The following B4GALNT1 variants were observed in gnomAD, a reference collection of about 807,000 sequenced individuals.
B4GALNT1 encodes beta-1,4-N-acetyl-galactosaminyltransferase 1, also known as beta-1,4 N-acetylgalactosaminyltransferase 1.
A neutral mutation model predicts 55.2 loss-of-function variants in B4GALNT1; 43 were observed. That is an observed-to-expected ratio of 0.78 (90% confidence interval 0.61 to 1.00). B4GALNT1 has a LOEUF of 1.00. B4GALNT1 is among the 50% of genes least tolerant of loss of function. B4GALNT1 has a pLI of 0.00. For missense variants in B4GALNT1, 664 were observed against 729.7 expected (o/e 0.91, Z 1.04); for synonymous variants, 305 against 311.6 (o/e 0.98, Z 0.22).
At position 57,623,761 on chromosome 12, in the gene B4GALNT1, G is replaced by A. The variant is rs1884607846; in HGVS notation, c.*2983C>T. 1 of 1,274,608 alleles carries A rather than the reference G, an allele frequency of 7.8e-7. No individual in the cohort carries two copies. Among genetic ancestry groups the A allele is most frequent in the African/African-American group, 1.5e-5 (1 of 67,124 alleles). The allele number at this position is 1,274,608 out of a possible 1,614,324, so 79.0% of individuals were successfully genotyped here. A position where few individuals can be genotyped will look rare whatever the true frequency, so the allele number is the denominator to read the frequency against. The stretch of plus-strand genomic sequence containing the variant: ...ACTTCCGAGGAAGATTAGGCAGAGT[G>A]GGCAGGAAGACCAGCTCTCATGTGG... On this transcript the variant is annotated 3_prime_UTR_variant, in exon 11 of 11. Coordinates refer to ENST00000341156, the MANE Select transcript of B4GALNT1 (RefSeq NM_001478.5).
In B4GALNT1 at chr12:57,624,187, C is replaced by A; in HGVS notation, c.*2557G>T. 2 of 1,317,818 alleles carry A rather than the reference C, an allele frequency of 1.5e-6. No homozygotes were observed. Among genetic ancestry groups the A allele is most frequent in the South Asian group, 1.3e-5 (1 of 74,688 alleles). 81.6% of individuals were successfully genotyped at this position (1,317,818 alleles called of 1,614,324 possible). The stretch of plus-strand genomic sequence containing the variant: ...CTGAACCAAACCTAATTGTCCTGGT[C>A]TTAAGTTCTGCAACCCACCCACTCC... On this transcript the variant is annotated 3_prime_UTR_variant, in exon 11 of 11. Coordinates refer to ENST00000341156, the MANE Select transcript of B4GALNT1 (RefSeq NM_001478.5).
chr12:57,632,600 G>C (rs1885299899), intron 1 of B4GALNT1, 172 bp downstream of exon 1: 1 of 193,690 alleles, frequency 5.2e-6, no homozygotes, highest in African/African-American at 2.4e-5. Context: ...AAAAAATGCA[G>C]AATCATGCCC....
rs1276530697 is a variant in B4GALNT1, at chr12:57,629,034, C to T, written c.811+14G>A. The T allele has an allele frequency of 6.3e-7, 1 of 1,583,366 alleles. No homozygotes were observed. Among genetic ancestry groups the T allele is most frequent in the South Asian group, 1.1e-5 (1 of 87,078 alleles). Reference sequence around the variant, plus strand: ...AGGCTGGTTCTAATATGTCCCTGCCCCTACCAGCCTCACCTCCCTGGGGTA... The same window carrying T: ...AGGCTGGTTCTAATATGTCCCTGCCTCTACCAGCCTCACCTCCCTGGGGTA... On this transcript the variant is annotated intron_variant, in intron 7 of 10. Coordinates refer to ENST00000341156, the MANE Select transcript of B4GALNT1 (RefSeq NM_001478.5).
rs1189680812 is a variant in B4GALNT1 at position 57,624,544 on chromosome 12, G to A, written c.*2200C>T. On this transcript the variant is annotated 3_prime_UTR_variant, in exon 11 of 11. Coordinates refer to ENST00000341156, the MANE Select transcript of B4GALNT1 (RefSeq NM_001478.5). ...GGGTGGCAGTAGTGACCCTGAGTGT[G>A]GATTTGGGCCTGGCTGTGGGTGTGG... 4.7e-6 allele frequency: 3 copies of A among 638,462 alleles called. No homozygotes were observed. Among genetic ancestry groups the A allele is most frequent in the Non-Finnish European group, 6.1e-6 (2 of 327,984 alleles). The allele number at this position is 638,462 out of a possible 1,614,324, so 39.5% of individuals were successfully genotyped here.
intron 9 of B4GALNT1, 73 bp downstream of exon 9, chr12:57,628,049 G>T: frequency 6.3e-7 from 1 of 1,579,548 alleles, no homozygotes; most frequent in Non-Finnish European, 8.6e-7. Flanking sequence ...GTTCCTGGCC[G>T]CAGCGCCCCC....
chr12:57,630,916 C>T, intron 4 of B4GALNT1, 64 bp downstream of exon 4: 1 of 1,472,272 alleles, frequency 6.8e-7, no homozygotes, highest in Non-Finnish European at 9.4e-7. Flanking sequence ...TTCTTCCCCA[C>T]CCAACCTTGG....
At position 57,630,461 on chromosome 12, in the gene B4GALNT1, T is replaced by G; in HGVS notation, c.531+17A>C. 3 of 1,604,740 alleles carry G rather than the reference T, an allele frequency of 1.9e-6. No homozygotes were observed. The highest frequency in any genetic ancestry group is 2.6e-6 in the Non-Finnish European group (3 of 1,175,342). On this transcript the variant is annotated intron_variant, in intron 5 of 10. Transcript: ENST00000341156. ...TTGATGCCTACTTGGCCTCCTTGCC[T>G]TCTTGTTTTCTCTCACCTGGTATAC...
chr12:57,631,458 G>A (rs900698455), intron 2 of B4GALNT1, 94 bp from the exon 3 acceptor site: 19 of 1,413,070 alleles, frequency 1.3e-5, no homozygotes, highest in Non-Finnish European at 1.8e-5. Flanking sequence ...CCTTGGCCCT[G>A]CAATTCTGTC....
intron 2 of B4GALNT1, 22 bp downstream of exon 2, chr12:57,631,893 C>T: frequency 2.9e-6 from 4 of 1,374,434 alleles, no homozygotes; most frequent in Non-Finnish European, 3.8e-6. Context: ...CGCTGCGCTG[C>T]GCCGCCGCGG....
In B4GALNT1 at chr12:57,631,291, G is replaced by T. The variant is rs1361370524; in HGVS notation, c.292C>A (p.Arg98=). 1.9e-6 allele frequency: 3 copies of T among 1,614,092 alleles called. No homozygotes were observed. The highest frequency in any genetic ancestry group is 2.5e-6 in the Non-Finnish European group (3 of 1,179,978). ...GLPLPFQKQV[R]AIDLTKAFDP... ...AAGGCCTTGGTGAGGTCAATAGCTC[G>T]GACTTGTTTCTGGAAGGGGAGGGGG... Residue 98 remains arginine (R), a synonymous_variant, in exon 3 of 11, where the codon CGA becomes AGA. Transcript: ENST00000341156.
At position 57,628,248 on chromosome 12, in the gene B4GALNT1, G is replaced by GCCTGC; in HGVS notation, c.1012_1016dup (p.Arg340GlnfsTer10). On this transcript the variant is annotated frameshift_variant, in exon 9 of 11. Coordinates refer to ENST00000341156, the MANE Select transcript of B4GALNT1 (RefSeq NM_001478.5). LOFTEE classifies it high-confidence loss of function. The stretch of plus-strand genomic sequence containing the variant: ...TTACTTGAGACACGGCCAGGTTCCG[G>GCCTGC]CCTGCGAACCAGCCCTGGCAGAAAG... The GCCTGC allele has an allele frequency of 6.2e-7, 1 of 1,614,258 alleles. No individual in the cohort carries two copies. Among genetic ancestry groups the GCCTGC allele is most frequent in the Non-Finnish European group, 8.5e-7 (1 of 1,180,052 alleles).
In B4GALNT1 at chr12:57,625,551, G is replaced by A. The variant is rs367679410; in HGVS notation, c.*1193C>T. ...GGAAAAGGACCCGGTGTGGACTTAG[G>A]GTCTCAGAGTCTGACACCCTCCCCA... On this transcript the variant is annotated 3_prime_UTR_variant, in exon 11 of 11. Coordinates refer to ENST00000341156, the MANE Select transcript of B4GALNT1 (RefSeq NM_001478.5). 1.2e-6 allele frequency: 2 copies of A among 1,609,386 alleles called. No individual in the cohort carries two copies. The highest frequency in any genetic ancestry group is 1.7e-6 in the Non-Finnish European group (2 of 1,176,842).
intron 8 of B4GALNT1, 168 bp downstream of exon 8, chr12:57,628,545 G>T (rs1274726106): frequency 1.1e-6 from 1 of 916,452 alleles, no homozygotes; most frequent in East Asian, 2.6e-5. Flanking sequence ...AATTCAGAGA[G>T]AATTTCCTGC....
chr12:57,624,105 A>C lies in B4GALNT1; in HGVS notation c.*2639T>G. 1 of 1,613,704 alleles carries C rather than the reference A, an allele frequency of 6.2e-7. No homozygotes were observed. The highest frequency in any genetic ancestry group is 1.1e-5 in the South Asian group (1 of 91,028). ...CATCAGCCGAGTGGACTTTGTGAGA[A>C]ATGCCATTACCCCCAGATTGCCCCC... On this transcript the variant is annotated 3_prime_UTR_variant, in exon 11 of 11. Coordinates refer to ENST00000341156, the MANE Select transcript of B4GALNT1 (RefSeq NM_001478.5).
chr12:57,626,383 C>T lies in B4GALNT1; in HGVS notation c.*361G>A, dbSNP rs1884808741. 2 of 305,892 alleles carry T rather than the reference C, an allele frequency of 6.5e-6. No individual in the cohort carries two copies. Among genetic ancestry groups the T allele is most frequent in the Admixed American group, 9.4e-5 (2 of 21,252 alleles). The allele number at this position is 305,892 out of a possible 1,614,324, so 18.9% of individuals were successfully genotyped here. On this transcript the variant is annotated 3_prime_UTR_variant, in exon 11 of 11. Coordinates refer to ENST00000341156, the MANE Select transcript of B4GALNT1 (RefSeq NM_001478.5). ...GATTATGTGTTGGGGAACTTCCCCACCCCCTCGGTCCCAAGATGAGAGGAC... is the reference window on the plus strand; with the variant it reads ...GATTATGTGTTGGGGAACTTCCCCATCCCCTCGGTCCCAAGATGAGAGGAC...
rs558325574 is a variant in B4GALNT1, at chr12:57,625,160, A to G, written c.*1584T>C. 5 of 1,613,944 alleles carry G rather than the reference A, an allele frequency of 3.1e-6. No homozygotes were observed. The highest frequency in any genetic ancestry group is 2.2e-5 in the South Asian group (2 of 91,074). On this transcript the variant is annotated 3_prime_UTR_variant, in exon 11 of 11. Coordinates refer to ENST00000341156, the MANE Select transcript of B4GALNT1 (RefSeq NM_001478.5). ...CCAGATGGCCCAATGGTTGCAGGTG[A>G]GATGGGGTGACAAGAAGGAAGATTT...
In B4GALNT1 at chr12:57,623,505, T is replaced by C; in HGVS notation, c.*3239A>G. The C allele has an allele frequency of 2.3e-6, 1 of 433,782 alleles. No homozygotes were observed. The highest frequency in any genetic ancestry group is 4.3e-5 in the East Asian group (1 of 23,342). The allele number at this position is 433,782 out of a possible 1,614,324, so 26.9% of individuals were successfully genotyped here. A position where few individuals can be genotyped will look rare whatever the true frequency, so the allele number is the denominator to read the frequency against. On this transcript the variant is annotated 3_prime_UTR_variant, in exon 11 of 11. Coordinates refer to ENST00000341156, the MANE Select transcript of B4GALNT1 (RefSeq NM_001478.5). ...AAAGTCTCCCCCTAATATTTTTGGT[T>C]TCCCTTACTTTGCTGGTGCCCTAAA...
chr12:57,630,873 G>A, intron 4 of B4GALNT1, 107 bp downstream of exon 4: 2 of 1,120,560 alleles, frequency 1.8e-6, no homozygotes, highest in Non-Finnish European at 2.6e-6. Context: ...CCATTCATCA[G>A]AGGTTCCCAC....
In B4GALNT1 at chr12:57,624,566, G is replaced by A. The variant is rs767311222; in HGVS notation, c.*2178C>T. 3.1e-6 allele frequency: 2 copies of A among 654,302 alleles called. No individual in the cohort carries two copies. The highest frequency in any genetic ancestry group is 1.4e-5 in the South Asian group (1 of 72,376). 40.5% of individuals were successfully genotyped at this position (654,302 alleles called of 1,614,324 possible). A position where few individuals can be genotyped will look rare whatever the true frequency, so the allele number is the denominator to read the frequency against. On this transcript the variant is annotated 3_prime_UTR_variant, in exon 11 of 11. Transcript: ENST00000341156. ...TGTGGATTTGGGCCTGGCTGTGGGT[G>A]TGGTCTTCTCCATGATGACTGTGGT...
Sources: allele counts gnomAD v4.1 joint callset, GRCh38; gene constraint gnomAD v4.1.1; transcripts MANE v1.5; gene names NCBI Gene and HGNC (gene_info 2026-07-23, HGNC 2026-07-21).